The following DNAI3 variants were observed in gnomAD, a reference collection of about 807,000 sequenced individuals.
The protein encoded by DNAI3 is WD repeat domain 63.
Under a neutral mutation model 115.5 loss-of-function variants are expected in DNAI3, and 83 were observed. That is an observed-to-expected ratio of 0.72 (90% CI 0.60 to 0.86). DNAI3 has a LOEUF of 0.86. DNAI3 is among the 40% of genes least tolerant of loss of function. DNAI3 has a pLI of 0.00. For synonymous variants in DNAI3, 320 were observed against 347.0 expected, an observed-to-expected ratio of 0.92 and a Z score of 0.86; for missense variants, 1,004 against 1,075.8, an observed-to-expected ratio of 0.93 and a Z score of 0.93.
intron 1 of DNAI3, among the ~76,000 whole-genome samples, 155 bp from the exon 2 acceptor site, chr1:85,071,773 G>C (rs765733361): frequency 6.6e-6 from 1 of 152,208 alleles, no homozygotes; most frequent in Non-Finnish European, 1.5e-5. Context: ...CTTTGTCACA[G>C]AACACCCGTT....
At chr1:85,131,415 T>A (rs1210738698) in intron 22 of DNAI3, among the ~76,000 whole-genome samples, 1 of 115,754 alleles carries the variant, frequency 8.6e-6, no homozygotes, top group Non-Finnish European at 1.6e-5. Flanking sequence ...TTGCACTCCA[T>A]CCTGGGCAAC....
chr1:85,067,646 T>C (rs903331387), intron 1 of DNAI3, among the ~76,000 whole-genome samples: 17 of 152,150 alleles, frequency 1.1e-4, no homozygotes, highest in Non-Finnish European at 2.2e-4. Context: ...GAACTTAACA[T>C]AGGGAGATTA....
intron 16 of DNAI3, among the ~76,000 whole-genome samples, chr1:85,110,587 T>A (rs1430526173): frequency 6.6e-6 from 1 of 152,138 alleles, no homozygotes; most frequent in Non-Finnish European, 1.5e-5. Flanking sequence ...CCCTCCAATG[T>A]GGAACTTTAT....
chr1:85,108,724 G>A (rs77532175), intron 15 of DNAI3, among the ~76,000 whole-genome samples: 1 of 152,122 alleles, frequency 6.6e-6, no homozygotes. Context: ...CACCCAGGTA[G>A]TGAACATAGT....
chr1:85,124,736 G>T (rs1656085251), intron 19 of DNAI3, among the ~76,000 whole-genome samples: 1 of 152,140 alleles, frequency 6.6e-6, no homozygotes. Context: ...ATTTCACCAT[G>T]TTGCCCAGGC....
rs1205599529 is a variant in DNAI3, at chr1:85,084,616, C to T, written c.461C>T (p.Pro154Leu). 19 of 1,573,274 alleles carry T rather than the reference C, an allele frequency of 1.2e-5. No individual in the cohort carries two copies. The highest frequency in any genetic ancestry group is 1.6e-5 in the Non-Finnish European group (18 of 1,160,746). ...CCTGAAGATGTGTATATTTATAAAC[C>T]ACCTGTCTCTAAACCATGGGTTTCT... The part of the protein sequence containing the change: ...HIPEDVYIYK[P>L]PVSKPWVSLG... The change falls in exon 6 of 23, where the codon CCA (proline) becomes CTA (leucine). Residue 154 changes from proline to leucine, a missense_variant. This residue lies in a region of DNAI3 where 550 missense variants were observed against 568.1 expected (regional missense o/e 0.97). Coordinates refer to ENST00000294664, the MANE Select transcript of DNAI3 (RefSeq NM_145172.5).
chr1:85,071,335 T>C (rs1426804367), intron 1 of DNAI3, among the ~76,000 whole-genome samples: 1 of 152,354 alleles, frequency 6.6e-6, no homozygotes, highest in East Asian at 1.9e-4. Flanking sequence ...GGTGATGACC[T>C]TGGCCAGTGT....
At chr1:85,115,993 G>A (rs977351447) in intron 16 of DNAI3, among the ~76,000 whole-genome samples, 7 of 152,082 alleles carry the variant, frequency 4.6e-5, no homozygotes, top group African/African-American at 9.7e-5. Context: ...TTCTTGGAGC[G>A]CACACTTCTC....
rs1056779192 is a variant in DNAI3 at position 85,117,927 on chromosome 1, A to G, written c.1917+68A>G. On this transcript the variant is annotated intron_variant, in intron 17 of 22. Coordinates refer to ENST00000294664, the MANE Select transcript of DNAI3 (RefSeq NM_145172.5). ...ACTAAAATATGTTATTACAATATCT[A>G]CTGTACATTTTTGCTGTGTAAAGAC... 3 of 1,538,056 alleles carry G rather than the reference A, an allele frequency of 2.0e-6. No individual in the cohort carries two copies. In the East Asian group the frequency reaches 7.3e-5, roughly 37 times the overall value.
At position 85,097,659 on chromosome 1, in the gene DNAI3, A is replaced by T; in HGVS notation, c.1350+4A>T. 6.2e-7 allele frequency: 1 copy of T among 1,606,212 alleles called. No individual in the cohort carries two copies. Among genetic ancestry groups the T allele is most frequent in the Non-Finnish European group, 8.5e-7 (1 of 1,176,880 alleles). Reference sequence around the variant, plus strand: ...AAGTAAAAGAGCCACACTGAAGGTAAGCTTTTTACAACATTTCACTTGCAA... The same window carrying T: ...AAGTAAAAGAGCCACACTGAAGGTATGCTTTTTACAACATTTCACTTGCAA... On this transcript the variant is annotated splice_donor_region_variant and intron_variant, in intron 12 of 22. Transcript: ENST00000294664.
intron 9 of DNAI3, chr1:85,093,985 C>T: frequency 2.1e-6 from 1 of 477,716 alleles, no homozygotes; most frequent in Non-Finnish European, 4.0e-6. Flanking sequence ...TTCCTCCTAA[C>T]ACTGCCTTTC....
At chr1:85,069,971 C>T (rs1654216873) in intron 1 of DNAI3, among the ~76,000 whole-genome samples, 1 of 152,042 alleles carries the variant, frequency 6.6e-6, no homozygotes, top group Non-Finnish European at 1.5e-5. Flanking sequence ...ATAATAAAAT[C>T]CTGCTTTTTA....
chr1:85,100,447 G>A (rs1655261644), intron 13 of DNAI3, among the ~76,000 whole-genome samples: 1 of 152,164 alleles, frequency 6.6e-6, no homozygotes, highest in South Asian at 2.1e-4. Context: ...CAGTTAGAAT[G>A]GCGATCATTA....
chr1:85,113,519 T>C (rs1358075674), intron 16 of DNAI3, among the ~76,000 whole-genome samples: 2 of 152,254 alleles, frequency 1.3e-5, no homozygotes, highest in Non-Finnish European at 2.9e-5. Context: ...TGTCCATATA[T>C]ATGTGAGTCT....
chr1:85,075,190 G>T (rs147835024), intron 3 of DNAI3, among the ~76,000 whole-genome samples: 1 of 152,198 alleles, frequency 6.6e-6, no homozygotes, highest in Non-Finnish European at 1.5e-5. Context: ...ACCATGCCCA[G>T]CCCAGTTTGT....
chr1:85,083,067 A>G (rs940983215), intron 5 of DNAI3, among the ~76,000 whole-genome samples: 2 of 152,198 alleles, frequency 1.3e-5, no homozygotes, highest in Non-Finnish European at 2.9e-5. Context: ...TCTCTTTCCA[A>G]TCTTCCATTC....
chr1:85,082,869 A>T (rs1654676888), intron 5 of DNAI3, among the ~76,000 whole-genome samples: 1 of 152,150 alleles, frequency 6.6e-6, no homozygotes, highest in Non-Finnish European at 1.5e-5. Flanking sequence ...GAGAGAGGAA[A>T]CAGTGAATCT....
intron 5 of DNAI3, 82 bp downstream of exon 5, chr1:85,082,486 C>T (rs900736631): frequency 2.6e-4 from 289 of 1,121,630 alleles, no homozygotes; most frequent in Non-Finnish European, 3.4e-4. Flanking sequence ...TGCTCTGTCA[C>T]CCAGGCTAGA....
In DNAI3 at chr1:85,085,979, T is replaced by C; in HGVS notation, c.689T>C (p.Val230Ala). The change falls in exon 7 of 23, where the codon GTT becomes GCT. Residue 230 changes from valine (V) to alanine (A), a missense_variant. Val to Ala is a moderately conservative substitution (Grantham distance 64). Around this residue, in one of 3 missense-constraint regions of DNAI3, gnomAD observed 550 missense variants for 568.1 expected, o/e 0.97. Transcript: ENST00000294664. ...ACCCTTAAACAACTTGAAAAAGATG[T>C]TGGCATGCAAGTAATCCCCCAAATA... ...NFTLKQLEKD[V>A]GMQVIPQIKD... 6.2e-7 allele frequency: 1 copy of C among 1,614,178 alleles called. No individual in the cohort carries two copies. The highest frequency in any genetic ancestry group is 8.5e-7 in the Non-Finnish European group (1 of 1,180,026).
Sources: allele counts gnomAD v4.1 joint callset (sites outside exome capture counted in the v4.1 genomes callset), GRCh38; gene constraint gnomAD v4.1.1; regional missense constraint gnomAD v4.1.1; transcripts MANE v1.5; gene names NCBI Gene and HGNC (gene_info 2026-07-23, HGNC 2026-07-21).